IMMP2L: variants seen among roughly 807,000 people sequenced by gnomAD.
IMMP2L encodes the protein inner mitochondrial membrane peptidase subunit 2.
A neutral mutation model predicts 19.3 loss-of-function variants in IMMP2L; 18 were observed. That is an observed-to-expected ratio of 0.93 (90% CI 0.64 to 1.38). The LOEUF (loss-of-function observed/expected upper bound fraction) is 1.38, where lower values mean the gene tolerates loss of function less well. IMMP2L is among the 40% of genes most tolerant of loss of function. The pLI is 0.00. For synonymous variants in IMMP2L, 76 were observed against 73.0 expected, an observed-to-expected ratio of 1.04 and a Z score of -0.21; for missense variants, 233 against 218.2, an observed-to-expected ratio of 1.07 and a Z score of -0.43.
At chr7:111,178,836 G>A (rs1187338050) in intron 3 of IMMP2L, among the ~76,000 whole-genome samples, 1 of 151,860 alleles carries the variant, frequency 6.6e-6, no homozygotes, top group African/African-American at 2.4e-5. Flanking sequence ...CTTATGTCTT[G>A]AACCCCTCAA....
intron 3 of IMMP2L, among the ~76,000 whole-genome samples, chr7:111,282,787 T>C (rs1029009192): frequency 2.0e-5 from 3 of 152,106 alleles, no homozygotes; most frequent in Non-Finnish European, 2.9e-5. Flanking sequence ...TTTCACCATG[T>C]TGGCCAGGCT....
intron 3 of IMMP2L, among the ~76,000 whole-genome samples, chr7:110,970,832 T>G (rs1048614595): frequency 6.6e-6 from 1 of 152,146 alleles, no homozygotes; most frequent in Non-Finnish European, 1.5e-5. Flanking sequence ...CAAAATTAAC[T>G]GCTCTTCCAA....
intron 5 of IMMP2L, among the ~76,000 whole-genome samples, chr7:110,768,598 T>C (rs1201736990): frequency 1.3e-5 from 2 of 152,174 alleles, no homozygotes; most frequent in South Asian, 2.1e-4. Context: ...CAGGATTGTA[T>C]ACATGTTATT....
intron 3 of IMMP2L, among the ~76,000 whole-genome samples, chr7:111,327,970 T>C (rs1825493999): frequency 6.6e-6 from 1 of 151,724 alleles, no homozygotes; most frequent in Non-Finnish European, 1.5e-5. Context: ...TATATAAGAA[T>C]ACATATGAGA....
chr7:110,762,172 T>C (rs1798387601), intron 5 of IMMP2L, among the ~76,000 whole-genome samples: 1 of 152,092 alleles, frequency 6.6e-6, no homozygotes, highest in South Asian at 2.1e-4. Flanking sequence ...AAATTTTATT[T>C]CTCCCAAAAG....
Position 111,316,360 on chromosome 7 carries a change from C to T in IMMP2L, c.239+170878G>A, listed in dbSNP as rs558917353. 2.1e-3 allele frequency among the ~76,000 whole-genome samples: 320 copies of T among 151,316 alleles called. 1 individual carries two copies. Among genetic ancestry groups the T allele is most frequent in the Non-Finnish European group, 3.9e-3 (264 of 67,860 alleles). The stretch of plus-strand genomic sequence containing the variant: ...GAAAGAACATGCAGGAAACAAAAGT[C>T]GAAAAAAGGGCCTGAAAACCAGAAT... On this transcript the variant is annotated intron_variant, in intron 3 of 5. Transcript: ENST00000405709.
intron 2 of IMMP2L, among the ~76,000 whole-genome samples, chr7:111,495,300 T>C (rs911420128): frequency 3.9e-5 from 6 of 152,176 alleles, no homozygotes; most frequent in African/African-American, 9.7e-5. Context: ...ATAATGAACA[T>C]ATATTTAGTT....
chr7:111,268,594 T>TTTTTTTTTTTTTTTTTTTTTTA (rs1562987777), intron 3 of IMMP2L, among the ~76,000 whole-genome samples: 1 of 63,204 alleles, frequency 1.6e-5, no homozygotes, highest in Non-Finnish European at 3.3e-5. Flanking sequence ...TTTTTTTTTT[T>TTTTTTTTTTTTTTTTTTTTTTA]TTTTTTTTTT....
chr7:111,045,635 A>G (rs1266014401), intron 3 of IMMP2L, among the ~76,000 whole-genome samples: 2 of 152,202 alleles, frequency 1.3e-5, no homozygotes, highest in African/African-American at 4.8e-5. Flanking sequence ...GAGTGATGCA[A>G]TATAAGACTC....
intron 5 of IMMP2L, among the ~76,000 whole-genome samples, chr7:110,856,154 T>G (rs893124200): frequency 6.6e-6 from 1 of 151,868 alleles, no homozygotes; most frequent in African/African-American, 2.4e-5. Context: ...AAACTTTCAG[T>G]AAAAAACAGT....
At chr7:110,906,890 C>A (rs548084340) in intron 4 of IMMP2L, among the ~76,000 whole-genome samples, 1 of 152,096 alleles carries the variant, frequency 6.6e-6, no homozygotes, top group East Asian at 1.9e-4. Context: ...GACCCCTTTG[C>A]GAGCCTTGCA....
At chr7:111,199,926 C>T (rs1225489603) in intron 3 of IMMP2L, among the ~76,000 whole-genome samples, 3 of 152,078 alleles carry the variant, frequency 2.0e-5, no homozygotes, top group Non-Finnish European at 2.9e-5. Context: ...GTTTTTATTA[C>T]ATTTATAATG....
intron 3 of IMMP2L, among the ~76,000 whole-genome samples, chr7:111,084,941 A>C (rs1038091781): frequency 7.9e-5 from 12 of 152,220 alleles, no homozygotes; most frequent in African/African-American, 2.7e-4. Flanking sequence ...ATGAGTAACA[A>C]GTAAATGTAT....
At chr7:111,547,203 C>T (rs924758764) in intron 1 of IMMP2L, among the ~76,000 whole-genome samples, 1 of 152,186 alleles carries the variant, frequency 6.6e-6, no homozygotes, top group Non-Finnish European at 1.5e-5. Context: ...ATCAAATATA[C>T]TCTTATTTAT....
intron 5 of IMMP2L, among the ~76,000 whole-genome samples, chr7:110,670,720 A>C (rs1791855973): frequency 6.6e-6 from 1 of 151,966 alleles, no homozygotes; most frequent in African/African-American, 2.4e-5. Flanking sequence ...AAAACAAAAA[A>C]AACCCCTAAA....
chr7:111,344,892 A>C (rs910890494), intron 3 of IMMP2L, among the ~76,000 whole-genome samples: 1 of 152,116 alleles, frequency 6.6e-6, no homozygotes, highest in African/African-American at 2.4e-5. Flanking sequence ...CAAAGTTCTG[A>C]AAATGAAGTG....
chr7:110,683,127 T>C (rs570845421), intron 5 of IMMP2L, among the ~76,000 whole-genome samples: 2 of 152,226 alleles, frequency 1.3e-5, no homozygotes, highest in East Asian at 3.9e-4. Flanking sequence ...TATTGCTGAA[T>C]TTATAGAACA....
chr7:110,829,258 C>G (rs1803757740), intron 5 of IMMP2L, among the ~76,000 whole-genome samples: 1 of 152,140 alleles, frequency 6.6e-6, no homozygotes, highest in Non-Finnish European at 1.5e-5. Flanking sequence ...AAGACTAAAA[C>G]AGACATCACC....
In IMMP2L at chr7:111,242,770, G is replaced by A. The variant is rs894474560; in HGVS notation, c.239+244468C>T. ...CTAGATCATGATAATGATTAAAAAAGAGAAATTCTGGGAGGCTAAAAACAC... is the reference window on the plus strand; with the variant it reads ...CTAGATCATGATAATGATTAAAAAAAAGAAATTCTGGGAGGCTAAAAACAC... On this transcript the variant is annotated intron_variant, in intron 3 of 5. Transcript: ENST00000405709. Among the ~76,000 whole-genome samples the A allele has an allele frequency of 2.0e-5, 3 of 151,812 alleles. No individual in the cohort carries two copies. The South Asian group carries it at 6.2e-4, about 32-fold the overall frequency.
Sources: gnomAD v4.1 joint callset for allele counts (sites outside exome capture counted in the v4.1 genomes callset) on GRCh38, gnomAD v4.1.1 for gene constraint, MANE v1.5 for transcripts, NCBI Gene and HGNC (gene_info 2026-07-23, HGNC 2026-07-21) for gene names.